Variants in CYP4F3 observed in about 807,000 individuals in gnomAD.
CYP4F3 encodes the protein cytochrome P450 family 4 subfamily F member 3.
In CYP4F3, 50 loss-of-function variants were observed where a neutral mutation model predicts 54.8. The observed-to-expected ratio is 0.91, with a 90% CI of 0.73 to 1.16. CYP4F3 has a LOEUF of 1.16. Among genes scored for constraint, CYP4F3 ranks in the 50% most tolerant of loss-of-function variants. The pLI is 0.00. For missense variants in CYP4F3, 715 were observed against 676.2 expected (o/e 1.06, Z -0.64); for synonymous variants, 244 against 262.6 (o/e 0.93, Z 0.69).
At chr19:15,643,045 A>C (rs974211251) in intron 2 of CYP4F3, among the ~76,000 whole-genome samples, 1 of 151,904 alleles carries the variant, frequency 6.6e-6, no homozygotes, top group Non-Finnish European at 1.5e-5. Context: ...AGATAATAGG[A>C]TAAATGGATG....
intron 7 of CYP4F3, among the ~76,000 whole-genome samples, chr19:15,651,228 G>A (rs1410938424): frequency 2.2e-5 from 3 of 135,638 alleles, no homozygotes; most frequent in Admixed American, 7.3e-5. Context: ...CTATATTTTC[G>A]TTCTTGTCTA....
At chr19:15,653,742 GA>G (rs1972933483) in intron 9 of CYP4F3, among the ~76,000 whole-genome samples, 2 of 28,694 alleles carry the variant, frequency 7.0e-5, no homozygotes, top group Admixed American at 4.2e-4. Flanking sequence ...AGAGGAGAGA[GA>G]GAGAGAGAGA....
intron 2 of CYP4F3, 118 bp from the exon 3 acceptor site, chr19:15,645,601 G>A (rs1319002955): frequency 1.5e-6 from 2 of 1,369,760 alleles, no homozygotes; most frequent in Non-Finnish European, 9.9e-7. Context: ...TCAGCACTGA[G>A]AGGGAGATGA....
At chr19:15,656,325 A>G (rs1336533774) in intron 9 of CYP4F3, among the ~76,000 whole-genome samples, 3 of 152,146 alleles carry the variant, frequency 2.0e-5, no homozygotes, top group Non-Finnish European at 4.4e-5. Context: ...AAACAACATT[A>G]AATTACAAAA....
At position 15,652,624 on chromosome 19, in the gene CYP4F3, TTA is replaced by T. The variant is rs770349262; in HGVS notation, c.976_977del (p.Met326ValfsTer2). ...GACATAAGAGCAGAAGCTGACACCT[TTA>T]TGTTTGAGGGTGAGGGCCCCAGTGT... On this transcript the variant is annotated frameshift_variant, in exon 8 of 13. Transcript: ENST00000221307. LOFTEE classifies it high-confidence loss of function. The T allele has an allele frequency of 6.2e-7, 1 of 1,613,994 alleles. No individual in the cohort carries two copies. Among genetic ancestry groups the T allele is most frequent in the East Asian group, 2.2e-5 (1 of 44,856 alleles).
At chr19:15,647,387 C>T in intron 5 of CYP4F3, 63 bp downstream of exon 5, 1 of 1,604,000 alleles carries the variant, frequency 6.2e-7, no homozygotes, top group Non-Finnish European at 8.5e-7. Flanking sequence ...ACAGACAGAT[C>T]TAGTCTGGAA....
chr19:15,644,633 G>C (rs1008356102), intron 2 of CYP4F3, among the ~76,000 whole-genome samples: 3 of 152,166 alleles, frequency 2.0e-5, no homozygotes, highest in African/African-American at 7.2e-5. Flanking sequence ...TGTTATTTCT[G>C]TGATGTCCAT....
rs1045370372 is a variant in CYP4F3 at position 15,662,660 on chromosome 19, A to T, written c.*3275A>T. 9 of 152,234 alleles carry T rather than the reference A, an allele frequency of 5.9e-5. No homozygotes were observed. The highest frequency in any genetic ancestry group is 2.2e-4 in the African/African-American group (9 of 41,456). 9.4% of individuals were successfully genotyped at this position (152,234 alleles called of 1,614,324 possible). On this transcript the variant is annotated 3_prime_UTR_variant, in exon 13 of 13. Transcript: ENST00000221307. ...ACTTAATAATGATATTGATTCTCCC[A>T]ATTCATGAATATAGTATACCCCTGT...
In CYP4F3 at chr19:15,658,398, G is replaced by T; in HGVS notation, c.1249+1G>T. 1 of 1,613,880 alleles carries T rather than the reference G, an allele frequency of 6.2e-7. No homozygotes were observed. The highest frequency in any genetic ancestry group is 1.3e-5 in the African/African-American group (1 of 75,048). On this transcript the variant is annotated splice_donor_variant, in intron 10 of 12. Transcript: ENST00000221307. LOFTEE classifies it high-confidence loss of function. ...CCAGACGGCCGGGTCATCCCCAAAG[G>T]TGCCACAGCCTCAGGGGGAGGAGCC...
intron 2 of CYP4F3, chr19:15,643,932 G>C: frequency 6.2e-7 from 1 of 1,601,448 alleles, no homozygotes; most frequent in East Asian, 2.3e-5. Flanking sequence ...CAGGGCATGA[G>C]GGTCCTGACT....
At chr19:15,643,948 G>A (rs878894803) in intron 2 of CYP4F3, 2 of 1,605,624 alleles carry the variant, frequency 1.2e-6, no homozygotes, top group South Asian at 2.2e-5. Flanking sequence ...TGACTCAGCT[G>A]GTGGCCACCT....
intron 2 of CYP4F3, among the ~76,000 whole-genome samples, chr19:15,642,862 T>G (rs529627485): frequency 1.3e-5 from 2 of 149,288 alleles, no homozygotes; most frequent in East Asian, 4.0e-4. Flanking sequence ...GATGGATGGA[T>G]GGACAGATGG....
rs1973184493 is a variant in CYP4F3 at position 15,661,524 on chromosome 19, CT to C, written c.*2141del. The C allele has an allele frequency of 1.3e-5, 2 of 152,140 alleles. No homozygotes were observed. The highest frequency in any genetic ancestry group is 1.3e-4 in the Admixed American group (2 of 15,274). 9.4% of individuals were successfully genotyped at this position (152,140 alleles called of 1,614,324 possible). A position where few individuals can be genotyped will look rare whatever the true frequency, so the allele number is the denominator to read the frequency against. ...ACTAAGGGTGTTGAACCACTCGTGC[CT>C]TCCTGTGCCTATTTGACACTCCTAT... is the stretch of plus-strand genomic sequence containing the variant. On this transcript the variant is annotated 3_prime_UTR_variant, in exon 13 of 13. Transcript: ENST00000221307.
chr19:15,652,428 G>T, intron 7 of CYP4F3, 141 bp from the exon 8 acceptor site: 1 of 1,254,522 alleles, frequency 8.0e-7, no homozygotes, highest in Admixed American at 1.9e-5. Flanking sequence ...GACCAAGAAG[G>T]GTCTAGGAGA....
At chr19:15,649,303 G>T (rs753823555) in intron 6 of CYP4F3, 22 bp downstream of exon 6, 1 of 1,612,150 alleles carries the variant, frequency 6.2e-7, no homozygotes, top group Non-Finnish European at 8.5e-7. Context: ...CCCAGGGTCT[G>T]GGATCCTGGG....
In CYP4F3 at chr19:15,649,240, T is replaced by C; in HGVS notation, c.606T>C (p.Ser202=). 1 of 1,613,368 alleles carries C rather than the reference T, an allele frequency of 6.2e-7. No homozygotes were observed. Among genetic ancestry groups the C allele is most frequent in the Non-Finnish European group, 8.5e-7 (1 of 1,179,538 alleles). ...FEHISLMTLD[S]LQKCVFSFDS... is the part of the protein sequence containing the mutation. ...ACATCAGCCTCATGACCTTGGACAG[T>C]CTGCAGAAATGTGTCTTCAGCTTTG... Residue 202 remains serine, a synonymous_variant, in exon 6 of 13, where the codon AGT becomes AGC. Transcript: ENST00000221307.
intron 2 of CYP4F3, among the ~76,000 whole-genome samples, chr19:15,643,301 G>A (rs1052576343): frequency 1.3e-5 from 2 of 149,734 alleles, no homozygotes; most frequent in Non-Finnish European, 3.0e-5. Flanking sequence ...AGAAACATAG[G>A]TAGATAGATA....
At chr19:15,649,795 A>G in intron 6 of CYP4F3, 118 bp from the exon 7 acceptor site, 1 of 1,415,560 alleles carries the variant, frequency 7.1e-7, no homozygotes, top group Non-Finnish European at 9.6e-7. Context: ...CTGAGGGGCC[A>G]TCTGTTCCTG....
chr19:15,654,273 T>C (rs1359083592), intron 9 of CYP4F3, among the ~76,000 whole-genome samples: 3 of 152,246 alleles, frequency 2.0e-5, no homozygotes, highest in African/African-American at 7.2e-5. Flanking sequence ...TAGATGCACA[T>C]AGTTTTGAAA....
Sources: gnomAD v4.1 joint callset for allele counts (sites outside exome capture counted in the v4.1 genomes callset) on GRCh38, gnomAD v4.1.1 for gene constraint, MANE v1.5 for transcripts, NCBI Gene and HGNC (gene_info 2026-07-23, HGNC 2026-07-21) for gene names.